MPDZ: variants seen among roughly 807,000 people sequenced by gnomAD.
The protein encoded by MPDZ is multiple PDZ domain crumbs cell polarity complex component, also known as multiple PDZ domain protein.
MPDZ carries 234 observed loss-of-function variants against 239.1 expected under a neutral mutation model. The ratio of observed to expected loss-of-function variants is 0.98; its 90% CI spans 0.88 to 1.09. MPDZ has a LOEUF of 1.09. Among genes scored for constraint, MPDZ ranks in the 50% least tolerant of loss-of-function variants. The pLI, the probability that MPDZ is intolerant of heterozygous loss-of-function variation, is 0.00. For synonymous variants in MPDZ, 1,048 were observed against 881.3 expected (o/e 1.19, Z -3.35); for missense variants, 3,175 against 2,510.0 (o/e 1.26, Z -5.66).
intron 1 of MPDZ, among the ~76,000 whole-genome samples, chr9:13,257,070 C>T (rs1969618672): frequency 6.6e-6 from 1 of 152,090 alleles, no homozygotes. Context: ...AGAAAAAATA[C>T]CAGTTTCCCT....
intron 32 of MPDZ, among the ~76,000 whole-genome samples, chr9:13,128,517 C>T (rs1243399264): frequency 6.6e-6 from 1 of 152,146 alleles, no homozygotes; most frequent in Non-Finnish European, 1.5e-5. Context: ...TCAGCAGAAC[C>T]CCCAGCTAAA....
In MPDZ at chr9:13,222,455, G is replaced by T; in HGVS notation, c.534-9C>A. The T allele has an allele frequency of 6.2e-7, 1 of 1,603,340 alleles. No homozygotes were observed. Among genetic ancestry groups the T allele is most frequent in the African/African-American group, 1.3e-5 (1 of 74,662 alleles). On this transcript the variant is annotated splice_polypyrimidine_tract_variant and intron_variant, in intron 5 of 46. Coordinates refer to ENST00000319217, the MANE Select transcript of MPDZ (RefSeq NM_001378778.1). ...CTTTCAATCTTCCATCTCTATCAAGGATGCAAAAGGGGATAAAAGACAATC... is the reference window on the plus strand; with the variant it reads ...CTTTCAATCTTCCATCTCTATCAAGTATGCAAAAGGGGATAAAAGACAATC...
Position 13,138,102 on chromosome 9 carries a change from T to C in MPDZ, c.4055A>G (p.Glu1352Gly). The C allele has an allele frequency of 1.2e-6, 2 of 1,612,598 alleles. No individual in the cohort carries two copies. The highest frequency in any genetic ancestry group is 1.7e-6 in the Non-Finnish European group (2 of 1,179,318). Residue 1352 changes from glutamate (E) to glycine (G), a missense_variant, in exon 29 of 47, where the codon GAA becomes GGA. By Grantham distance (98) the Glu-to-Gly change is moderately conservative (BLOSUM62 -2). Transcript: ENST00000319217. ...CAAACCACTATGACCTTTCTCCAGTTCAATCATATGCAGCTCGCCTGTTAG... is the reference window on the plus strand; with the variant it reads ...CAAACCACTATGACCTTTCTCCAGTCCAATCATATGCAGCTCGCCTGTTAG... ...GTLTGELHMIELEKGHSGLGL... is the reference protein window; with the variant it reads ...GTLTGELHMIGLEKGHSGLGL...
chr9:13,256,469 A>G (rs1969463868), intron 1 of MPDZ, among the ~76,000 whole-genome samples: 1 of 152,134 alleles, frequency 6.6e-6, no homozygotes, highest in African/African-American at 2.4e-5. Flanking sequence ...AATTATTTCT[A>G]GCTTTTGGTT....
chr9:13,122,338 T>C (rs1161887546), intron 36 of MPDZ, among the ~76,000 whole-genome samples, 168 bp from the exon 37 acceptor site: 2 of 152,142 alleles, frequency 1.3e-5, no homozygotes, highest in African/African-American at 4.8e-5. Flanking sequence ...ACAACAATTT[T>C]TGCTAAAAGG....
At position 13,126,772 on chromosome 9, in the gene MPDZ, C is replaced by G; in HGVS notation, c.4465G>C (p.Asp1489His). Residue 1489 changes from aspartate to histidine, a missense_variant and splice_region_variant, in exon 33 of 47, where the codon GAT becomes CAT. Coordinates refer to ENST00000319217, the MANE Select transcript of MPDZ (RefSeq NM_001378778.1). ...ATAGCAATACCCAAACCCCCCTGAT[C>G]CTAGAAAAGTAAAAACAAAAATGCT... is the stretch of plus-strand genomic sequence containing the variant. Reference protein sequence around the residue: ...KNVQHLELPKDQGGLGIAISE... With the variant: ...KNVQHLELPKHQGGLGIAISE... The G allele has an allele frequency of 1.2e-6, 2 of 1,613,364 alleles. No homozygotes were observed. The highest frequency in any genetic ancestry group is 1.7e-6 in the Non-Finnish European group (2 of 1,179,436).
At chr9:13,162,361 A>G (rs898024106) in intron 23 of MPDZ, among the ~76,000 whole-genome samples, 7 of 152,096 alleles carry the variant, frequency 4.6e-5, no homozygotes, top group Non-Finnish European at 8.8e-5. Context: ...AAAGAGTAAA[A>G]AAATCATACA....
At chr9:13,151,577 A>C (rs1949176193) in intron 24 of MPDZ, among the ~76,000 whole-genome samples, 1 of 152,140 alleles carries the variant, frequency 6.6e-6, no homozygotes, top group Non-Finnish European at 1.5e-5. Flanking sequence ...CATATAAAGT[A>C]CCTAGAGGTA....
At chr9:13,162,818 G>C (rs1587405279) in intron 22 of MPDZ, 23 bp from the exon 23 acceptor site, 2 of 1,495,518 alleles carry the variant, frequency 1.3e-6, no homozygotes, top group African/African-American at 2.8e-5. Flanking sequence ...AGAATCCATG[G>C]AAGTGAAGGG....
chr9:13,162,098 C>A (rs1043068841), intron 23 of MPDZ, among the ~76,000 whole-genome samples: 2 of 151,980 alleles, frequency 1.3e-5, no homozygotes, highest in Admixed American at 1.3e-4. Flanking sequence ...AACCCCATCT[C>A]TACAAAAAAT....
intron 2 of MPDZ, among the ~76,000 whole-genome samples, chr9:13,249,254 A>T (rs539847092): frequency 1.3e-5 from 2 of 152,274 alleles, no homozygotes; most frequent in South Asian, 4.1e-4. Context: ...CAAATCTAAT[A>T]TTAATTTCCA....
rs1175643294 is a variant in MPDZ at position 13,106,489 on chromosome 9, TC to T, written c.*475del. On this transcript the variant is annotated 3_prime_UTR_variant, in exon 47 of 47. Transcript: ENST00000319217. Reference sequence around the variant, plus strand: ...AGATTTTCATTAGAAAACCTTTTTTTCTTTTTTTAGTTTGGGGTGGGGAGAG... The same window carrying T: ...AGATTTTCATTAGAAAACCTTTTTTTTTTTTTTAGTTTGGGGTGGGGAGAG... 4 of 152,220 alleles carry T rather than the reference TC, an allele frequency of 2.6e-5. No individual in the cohort carries two copies. The highest frequency in any genetic ancestry group is 2.6e-4 in the Admixed American group (4 of 15,260). The allele number at this position is 152,220 out of a possible 1,614,324, so 9.4% of individuals were successfully genotyped here. A position where few individuals can be genotyped will look rare whatever the true frequency, so the allele number is the denominator to read the frequency against.
intron 3 of MPDZ, among the ~76,000 whole-genome samples, chr9:13,243,935 C>T (rs1202731888): frequency 6.6e-6 from 1 of 152,212 alleles, no homozygotes. Context: ...ATATTCTGTG[C>T]TGAGGTTTAT....
chr9:13,217,071 C>T (rs906469724), intron 9 of MPDZ, 109 bp downstream of exon 9: 29 of 884,448 alleles, frequency 3.3e-5, no homozygotes, highest in Non-Finnish European at 4.5e-5. Flanking sequence ...AAGTTTTCAA[C>T]CAGTTTATCC....
At chr9:13,114,380 T>C (rs1032465908) in intron 40 of MPDZ, among the ~76,000 whole-genome samples, 1 of 152,104 alleles carries the variant, frequency 6.6e-6, no homozygotes, top group Admixed American at 6.5e-5. Flanking sequence ...AATAGGAAAC[T>C]CATGGTAGTA....
chr9:13,257,395 C>G (rs1054003614), intron 1 of MPDZ, among the ~76,000 whole-genome samples: 1 of 152,100 alleles, frequency 6.6e-6, no homozygotes, highest in African/African-American at 2.4e-5. Flanking sequence ...AATGGGAGAA[C>G]TTGGAATTGA....
Position 13,275,099 on chromosome 9 carries a change from T to C in MPDZ, c.-58+4301A>G, listed in dbSNP as rs553445602. Among the ~76,000 whole-genome samples the C allele has an allele frequency of 2.0e-5, 3 of 152,326 alleles. No homozygotes were observed. The East Asian group carries it at 5.8e-4, about 29-fold the overall frequency. On this transcript the variant is annotated intron_variant, in intron 1 of 46. Transcript: ENST00000319217. The stretch of plus-strand genomic sequence containing the variant: ...CAAATTACCCCAGTAATGCTCAGAC[T>C]ATGCACTAGCCTCCAATACGAGCTC...
intron 43 of MPDZ, among the ~76,000 whole-genome samples, chr9:13,111,044 T>A (rs1942374057): frequency 6.6e-6 from 1 of 152,150 alleles, no homozygotes; most frequent in African/African-American, 2.4e-5. Flanking sequence ...GAAAAAAAAA[T>A]TCACTATCAT....
In MPDZ at chr9:13,145,529, T is replaced by C. The variant is rs567293026; in HGVS notation, c.3742-1965A>G. On this transcript the variant is annotated intron_variant, in intron 26 of 46. Coordinates refer to ENST00000319217, the MANE Select transcript of MPDZ (RefSeq NM_001378778.1). The stretch of plus-strand genomic sequence containing the variant: ...AACACAATTACCAGTAAGAGACTTT[T>C]AAGTATGTGCATTTGTGATTGTTCC... 5.3e-5 allele frequency among the ~76,000 whole-genome samples: 8 copies of C among 152,182 alleles called. No homozygotes were observed. The South Asian group carries it at 6.2e-4, about 12-fold the overall frequency.
Sources: allele counts gnomAD v4.1 joint callset (sites outside exome capture counted in the v4.1 genomes callset), GRCh38; gene constraint gnomAD v4.1.1; transcripts MANE v1.5; gene names NCBI Gene and HGNC (gene_info 2026-07-23, HGNC 2026-07-21).